The following XRCC2 variants were observed in gnomAD, a reference collection of about 807,000 sequenced individuals.
The protein encoded by XRCC2 is DNA repair protein XRCC2.
Under a neutral mutation model 27.3 loss-of-function variants are expected in XRCC2, and 24 were observed. The observed-to-expected ratio is 0.88, with a 90% CI of 0.64 to 1.24. The LOEUF (loss-of-function observed/expected upper bound fraction) is 1.24. XRCC2 is among the 50% of genes most tolerant of loss of function. The probability of loss-of-function intolerance (pLI) is 0.00; values close to 1 mark genes in which losing one functional copy is unlikely to be tolerated. For missense variants in XRCC2, 321 were observed against 325.8 expected, an observed-to-expected ratio of 0.99 and a Z score of 0.11; for synonymous variants, 106 against 115.4, an observed-to-expected ratio of 0.92 and a Z score of 0.52.
chr7:152,653,048 T>G (rs993112159), intron 2 of XRCC2, among the ~76,000 whole-genome samples: 2 of 152,148 alleles, frequency 1.3e-5, no homozygotes, highest in African/African-American at 2.4e-5. Context: ...GGTTAGGCTG[T>G]GTCCCCACCC....
intron 1 of XRCC2, among the ~76,000 whole-genome samples, chr7:152,662,016 G>A (rs1490133425): frequency 1.3e-5 from 2 of 152,186 alleles, no homozygotes; most frequent in African/African-American, 4.8e-5. Context: ...CCAGGCTGGA[G>A]TTCAGTGGTG....
chr7:152,666,663 G>A (rs867955936), intron 1 of XRCC2, among the ~76,000 whole-genome samples: 1 of 151,278 alleles, frequency 6.6e-6, no homozygotes, highest in Admixed American at 6.6e-5. Flanking sequence ...TGTCACCAAG[G>A]CTGGAGTGCA....
rs1481568045 is a variant in XRCC2, at chr7:152,647,633, G to A, written c.*1009C>T. The stretch of plus-strand genomic sequence containing the variant: ...TCCATATGGCTGGCCAGTTATCCCA[G>A]CACGATTTATTGAATAGAGAATCCA... On this transcript the variant is annotated 3_prime_UTR_variant, in exon 3 of 3. Transcript: ENST00000359321. The A allele has an allele frequency of 6.6e-6, 1 of 152,130 alleles. No homozygotes were observed. The highest frequency in any genetic ancestry group is 1.5e-5 in the Non-Finnish European group (1 of 68,030). 9.4% of individuals were successfully genotyped at this position (152,130 alleles called of 1,614,324 possible). A position where few individuals can be genotyped will look rare whatever the true frequency, so the allele number is the denominator to read the frequency against.
intron 2 of XRCC2, among the ~76,000 whole-genome samples, chr7:152,651,605 A>C (rs2098028561): frequency 6.6e-6 from 1 of 152,048 alleles, no homozygotes; most frequent in East Asian, 1.9e-4. Context: ...TACCTTAAGA[A>C]GAAATTTAAA....
Position 152,676,026 on chromosome 7 carries a change from C to T in XRCC2, c.39+15G>A. The T allele has an allele frequency of 1.2e-6, 2 of 1,613,698 alleles. No homozygotes were observed. Among genetic ancestry groups the T allele is most frequent in the Non-Finnish European group, 1.7e-6 (2 of 1,179,788 alleles). Reference sequence around the variant, plus strand: ...TTGTTCCCATCTCCCTCACTCCCAACCCGGCGGCTCTCACCTCGGTCCCAG... The same window carrying T: ...TTGTTCCCATCTCCCTCACTCCCAATCCGGCGGCTCTCACCTCGGTCCCAG... On this transcript the variant is annotated intron_variant, in intron 1 of 2. Transcript: ENST00000359321.
chr7:152,651,159 C>G (rs2098028363), intron 2 of XRCC2, among the ~76,000 whole-genome samples: 1 of 151,762 alleles, frequency 6.6e-6, no homozygotes, highest in Non-Finnish European at 1.5e-5. Flanking sequence ...AGGCTGGTCT[C>G]GAACTCCTGA....
intron 2 of XRCC2, among the ~76,000 whole-genome samples, chr7:152,655,163 G>A (rs937357209): frequency 1.3e-5 from 2 of 152,120 alleles, no homozygotes; most frequent in East Asian, 3.9e-4. Flanking sequence ...GGATGATTTG[G>A]CCTTGACAGT....
rs146815009 is a variant in XRCC2, at chr7:152,644,948, G to T, written c.*3694C>A. 1.2e-3 allele frequency: 189 copies of T among 152,294 alleles called. 1 individual carries two copies. The highest frequency in any genetic ancestry group is 4.3e-3 in the African/African-American group (180 of 41,568). 9.4% of individuals were successfully genotyped at this position (152,294 alleles called of 1,614,324 possible). The stretch of plus-strand genomic sequence containing the variant: ...TGAGTCCGATTTTTCTGAAAGAGAT[G>T]ATTCTGATGATTCAGATGATTCTGA... On this transcript the variant is annotated 3_prime_UTR_variant, in exon 3 of 3. Transcript: ENST00000359321.
intron 2 of XRCC2, 76 bp from the exon 3 acceptor site, chr7:152,649,439 A>C: frequency 6.7e-7 from 1 of 1,484,290 alleles, no homozygotes; most frequent in Non-Finnish European, 8.9e-7. Flanking sequence ...TCTGCAAAAA[A>C]GTTTAAAAAG....
At chr7:152,671,933 C>T (rs3218404) in intron 1 of XRCC2, among the ~76,000 whole-genome samples, 1 of 151,844 alleles carries the variant, frequency 6.6e-6, no homozygotes, top group African/African-American at 2.4e-5. Flanking sequence ...CCCAGCTACT[C>T]GGGAGGCTGA....
At position 152,646,301 on chromosome 7, in the gene XRCC2, G is replaced by GGGGTGTGTGTGTGTGTGT. The variant is rs1554410140; in HGVS notation, c.*2340_*2341insACACACACACACACACCC. ...GCCACGTATTCTAAGTCTGTGAGAGGGTGTGTGTGTGTGTGTGTGTGTGTG... is the reference window on the plus strand; with the variant it reads ...GCCACGTATTCTAAGTCTGTGAGAGGGGGTGTGTGTGTGTGTGTGTGTGTGTGTGTGTGTGTGTGTGTG... On this transcript the variant is annotated 3_prime_UTR_variant, in exon 3 of 3. Transcript: ENST00000359321. 4 of 149,076 alleles carry GGGGTGTGTGTGTGTGTGT rather than the reference G, an allele frequency of 2.7e-5. No homozygotes were observed. The highest frequency in any genetic ancestry group is 1.4e-4 in the Admixed American group (2 of 14,690). 9.2% of individuals were successfully genotyped at this position (149,076 alleles called of 1,614,324 possible). A position where few individuals can be genotyped will look rare whatever the true frequency, so the allele number is the denominator to read the frequency against.
At chr7:152,675,869 G>A (rs1484013122) in intron 1 of XRCC2, among the ~76,000 whole-genome samples, 172 bp downstream of exon 1, 1 of 152,128 alleles carries the variant, frequency 6.6e-6, no homozygotes, top group Non-Finnish European at 1.5e-5. Context: ...TGGGGCCCAG[G>A]TGAGAGGTGG....
At chr7:152,666,621 T>G (rs1388375960) in intron 1 of XRCC2, among the ~76,000 whole-genome samples, 1 of 77,162 alleles carries the variant, frequency 1.3e-5, no homozygotes, top group Non-Finnish European at 3.0e-5. Flanking sequence ...AGATTCTTTA[T>G]TTTTTTTTTT....
intron 1 of XRCC2, among the ~76,000 whole-genome samples, chr7:152,674,779 T>TAAAAATATATTATATATAAATATATTTTA (rs1563035405): frequency 6.2e-5 from 7 of 112,384 alleles, no homozygotes; most frequent in African/African-American, 2.3e-4. Flanking sequence ...AATATATTTT[T>TAAAAATATATTATATATAAATATATTTTA]AAATATATAT....
At chr7:152,662,263 G>A (rs986862747) in intron 1 of XRCC2, among the ~76,000 whole-genome samples, 1 of 152,118 alleles carries the variant, frequency 6.6e-6, no homozygotes, top group Non-Finnish European at 1.5e-5. Flanking sequence ...ACCGCGCCCA[G>A]CCTATCTGCA....
At chr7:152,657,961 T>TTTTTTTTTG (rs368246916) in intron 2 of XRCC2, among the ~76,000 whole-genome samples, 15,152 of 125,200 alleles carry the variant, frequency 0.12, 1,212 homozygotes, top group African/African-American at 0.25. Context: ...TTTGTCTTTG[T>TTTTTTTTTG]TTTTTTTTTT....
chr7:152,674,670 T>TTATAAATATATTTTTA (rs2098039544), intron 1 of XRCC2, among the ~76,000 whole-genome samples: 1 of 25,984 alleles, frequency 3.8e-5, no homozygotes, highest in Non-Finnish European at 7.1e-5. Flanking sequence ...ACTTTCTATA[T>TTATAAATATATTTTTA]AATCTATATT....
At chr7:152,652,335 G>A (rs1013363164) in intron 2 of XRCC2, among the ~76,000 whole-genome samples, 45 of 151,982 alleles carry the variant, frequency 3.0e-4, no homozygotes, top group Admixed American at 2.4e-3. Context: ...TGCTGAACCC[G>A]CCACTCCTGC....
intron 2 of XRCC2, among the ~76,000 whole-genome samples, chr7:152,654,869 C>T (rs765570948): frequency 6.6e-6 from 1 of 152,206 alleles, no homozygotes; most frequent in Non-Finnish European, 1.5e-5. Context: ...TCATTAAGGT[C>T]CTTGAACTAA....
Sources: gnomAD v4.1 joint callset for allele counts (sites outside exome capture counted in the v4.1 genomes callset) on GRCh38, gnomAD v4.1.1 for gene constraint, MANE v1.5 for transcripts, NCBI Gene and HGNC (gene_info 2026-07-23, HGNC 2026-07-21) for gene names.